Variants in ZNF385C observed in about 807,000 individuals in gnomAD.
ZNF385C encodes the protein CTD-2132N18.2.
ZNF385C carries 28 observed loss-of-function variants against 35.4 expected under a neutral mutation model. The ratio of observed to expected loss-of-function variants is 0.79; its 90% CI spans 0.59 to 1.08. ZNF385C has a LOEUF of 1.08. Ranked by LOEUF, ZNF385C falls within the 50% of genes least tolerant of loss-of-function variation. ZNF385C has a pLI of 0.00. For missense variants in ZNF385C, 605 were observed against 595.6 expected (o/e 1.02, Z -0.16); for synonymous variants, 248 against 248.2 (o/e 1.00, Z 0.01).
chr17:42,072,543 G>C (rs1023885711), intron 1 of ZNF385C, among the ~76,000 whole-genome samples: 1 of 152,038 alleles, frequency 6.6e-6, no homozygotes, highest in Admixed American at 6.6e-5. Flanking sequence ...GCGGGCCCGA[G>C]TCCGGCGCCC....
At chr17:42,084,494 T>C (rs1333122106) in intron 1 of ZNF385C, among the ~76,000 whole-genome samples, 3 of 152,168 alleles carry the variant, frequency 2.0e-5, no homozygotes, top group Non-Finnish European at 2.9e-5. Flanking sequence ...ATAAAAGACA[T>C]CGTCAAATAA....
Position 42,095,104 on chromosome 17 carries a change from C to G in ZNF385C, c.-3+3306G>C, listed in dbSNP as rs1019284106. Among the ~76,000 whole-genome samples the G allele has an allele frequency of 1.2e-4, 18 of 152,112 alleles. No individual in the cohort carries two copies. Among genetic ancestry groups the G allele is most frequent in the Admixed American group, 1.2e-3 (18 of 15,274 alleles). On this transcript the variant is annotated intron_variant, in intron 1 of 8. Transcript: ENST00000692273. The surrounding 1 kb of genome is among the most constrained non-coding windows in gnomAD (Gnocchi z 4.4). ...TGAGTGTCTGTACACGTGTGTGGATCCAGTTCCATTAAGAGCCTCACGATG... is the reference window on the plus strand; with the variant it reads ...TGAGTGTCTGTACACGTGTGTGGATGCAGTTCCATTAAGAGCCTCACGATG...
intron 1 of ZNF385C, among the ~76,000 whole-genome samples, chr17:42,088,910 C>T (rs952477380): frequency 1.3e-5 from 2 of 152,006 alleles, no homozygotes; most frequent in African/African-American, 2.4e-5. Flanking sequence ...ACTGCACCCT[C>T]GACCTCCTGG....
rs2052699814 is a variant in ZNF385C at position 42,030,413 on chromosome 17, A to G, written c.676+1206T>C. Among the ~76,000 whole-genome samples the G allele has an allele frequency of 4.6e-5, 7 of 152,222 alleles. No homozygotes were observed. In the South Asian group the frequency reaches 1.5e-3, roughly 32 times the overall value. ...TGAGGTAGGAGAATGGCTTGAACCCAGGAAGCAGAGGTTGCAGTGAGCCAA... is the reference window on the plus strand; with the variant it reads ...TGAGGTAGGAGAATGGCTTGAACCCGGGAAGCAGAGGTTGCAGTGAGCCAA... On this transcript the variant is annotated intron_variant, in intron 5 of 8. Coordinates refer to ENST00000692273, the MANE Select transcript of ZNF385C (RefSeq NM_001392013.1).
chr17:42,091,774 C>T (rs2053865269), intron 1 of ZNF385C, among the ~76,000 whole-genome samples: 1 of 152,182 alleles, frequency 6.6e-6, no homozygotes, highest in African/African-American at 2.4e-5. Context: ...GTGTCCCTCT[C>T]CCCTCAGGAA....
At chr17:42,090,093 C>T (rs1173278001) in intron 1 of ZNF385C, among the ~76,000 whole-genome samples, 2 of 152,098 alleles carry the variant, frequency 1.3e-5, no homozygotes, top group Non-Finnish European at 2.9e-5. Flanking sequence ...CCCTGGAGCA[C>T]AGCGAGTTTC....
At chr17:42,032,274 A>G (rs1397701945) in intron 4 of ZNF385C, among the ~76,000 whole-genome samples, 1 of 151,940 alleles carries the variant, frequency 6.6e-6, no homozygotes, top group Middle Eastern at 3.2e-3. Flanking sequence ...ATTAGCCAGG[A>G]TGGTCTCGAT....
chr17:42,081,427 C>T (rs1394645701), intron 1 of ZNF385C, among the ~76,000 whole-genome samples: 1 of 152,178 alleles, frequency 6.6e-6, no homozygotes, highest in East Asian at 1.9e-4. Context: ...GACTCTGTCA[C>T]CCAGGCTGGA....
chr17:42,034,471 T>G, intron 3 of ZNF385C, 136 bp from the exon 4 acceptor site: 1 of 634,270 alleles, frequency 1.6e-6, no homozygotes. Context: ...TTTTCCATCC[T>G]GTGGATGTTG....
At chr17:42,036,056 G>T (rs1049751573) in intron 3 of ZNF385C, among the ~76,000 whole-genome samples, 4 of 152,080 alleles carry the variant, frequency 2.6e-5, no homozygotes, top group African/African-American at 4.8e-5. Context: ...GAGTGCAATG[G>T]CGGAGCCAAA....
chr17:42,060,335 A>G (rs2053442102), intron 2 of ZNF385C, among the ~76,000 whole-genome samples: 1 of 152,112 alleles, frequency 6.6e-6, no homozygotes, highest in Admixed American at 6.6e-5. Context: ...ACACCTAAAA[A>G]CACTAACTGC....
In ZNF385C at chr17:42,043,091, G is replaced by C. The variant is rs868968905; in HGVS notation, c.251-5206C>G. 190 of 1,232,254 alleles carry C rather than the reference G, an allele frequency of 1.5e-4. 1 individual carries two copies. In the African/African-American group the frequency reaches 2.8e-3, roughly 18 times the overall value. The allele number at this position is 1,232,254 out of a possible 1,614,324, so 76.3% of individuals were successfully genotyped here. ...CCTTCAGCCTGGCCCTCAAAAGGGG[G>C]CTGGCCCTGGTTGACAGCCAGAGCC... On this transcript the variant is annotated intron_variant, in intron 2 of 8. Coordinates refer to ENST00000692273, the MANE Select transcript of ZNF385C (RefSeq NM_001392013.1).
intron 1 of ZNF385C, among the ~76,000 whole-genome samples, chr17:42,085,572 C>T (rs532239129): frequency 1.8e-3 from 263 of 150,124 alleles, no homozygotes; most frequent in Middle Eastern, 0.01. Flanking sequence ...AGGTGTGAGC[C>T]GCCAAGCTGG....
chr17:42,033,299 A>G (rs2143562346), intron 4 of ZNF385C, among the ~76,000 whole-genome samples: 1 of 152,336 alleles, frequency 6.6e-6, no homozygotes, highest in East Asian at 1.9e-4. Flanking sequence ...GGTAAGATGT[A>G]GTAGAAAGGG....
chr17:42,092,719 G>A (rs960003704), intron 1 of ZNF385C, among the ~76,000 whole-genome samples: 5 of 152,220 alleles, frequency 3.3e-5, no homozygotes, highest in African/African-American at 1.2e-4. Context: ...TGTTCCCAGT[G>A]CCTTTTCCTG....
At chr17:42,046,297 T>G (rs1236910506) in intron 2 of ZNF385C, among the ~76,000 whole-genome samples, 1 of 152,068 alleles carries the variant, frequency 6.6e-6, no homozygotes, top group African/African-American at 2.4e-5. Context: ...GTTGGTTGTT[T>G]AAAAGAATGA....
chr17:42,066,587 C>A (rs2053549461), intron 1 of ZNF385C, among the ~76,000 whole-genome samples: 1 of 152,166 alleles, frequency 6.6e-6, no homozygotes, highest in Admixed American at 6.5e-5. Context: ...CACTGAACAT[C>A]TGAGACTCAC....
At chr17:42,034,719 G>A (rs1215466209) in intron 3 of ZNF385C, among the ~76,000 whole-genome samples, 1 of 151,246 alleles carries the variant, frequency 6.6e-6, no homozygotes, top group Non-Finnish European at 1.5e-5. Context: ...GGGAGATGGA[G>A]GTTGCGGTGA....
chr17:42,082,959 C>A (rs2053764696), intron 1 of ZNF385C, among the ~76,000 whole-genome samples: 1 of 151,956 alleles, frequency 6.6e-6, no homozygotes, highest in South Asian at 2.1e-4. Flanking sequence ...CGCCTGTAAT[C>A]CCAGCTACTC....
Sources: gnomAD v4.1 joint callset for allele counts (sites outside exome capture counted in the v4.1 genomes callset) on GRCh38, gnomAD v4.1.1 for gene constraint, Gnocchi (gnomAD v3.1) non-coding constraint, MANE v1.5 for transcripts, NCBI Gene and HGNC (gene_info 2026-07-23, HGNC 2026-07-21) for gene names.